Variants in ARRDC5 observed in about 807,000 individuals in gnomAD.
The protein encoded by ARRDC5 is arrestin domain-containing protein 5.
A neutral mutation model predicts 13.3 loss-of-function variants in ARRDC5; 12 were observed. That is an observed-to-expected ratio of 0.90 (90% CI 0.58 to 1.46). ARRDC5 has a LOEUF of 1.46. Among genes scored for constraint, ARRDC5 ranks in the 40% most tolerant of loss-of-function variants. The pLI is 0.00. For missense variants in ARRDC5, 406 were observed against 418.7 expected, an observed-to-expected ratio of 0.97 and a Z score of 0.26; for synonymous variants, 181 against 173.4, an observed-to-expected ratio of 1.04 and a Z score of -0.34.
the ARRDC5 span, chr19:4,909,509 T>G: frequency 1.5e-6 from 1 of 657,984 alleles, no homozygotes; most frequent in Non-Finnish European, 2.7e-6. Context: ...TCAGAGCAGC[T>G]GGCAGCGCGG....
At chr19:4,891,966 A>AAG (rs1356521113) in intron 2 of ARRDC5, among the ~76,000 whole-genome samples, 1 of 151,376 alleles carries the variant, frequency 6.6e-6, no homozygotes, top group African/African-American at 2.4e-5. Flanking sequence ...AAAAAAAAAA[A>AAG]AAGTCTCTGG....
intron 1 of ARRDC5, among the ~76,000 whole-genome samples, chr19:4,901,949 C>T (rs770677389): frequency 5.3e-5 from 8 of 152,086 alleles, no homozygotes; most frequent in Non-Finnish European, 1.0e-4. Flanking sequence ...TGCTGTGGTG[C>T]GATCTCAGCT....
At chr19:4,893,936 T>C (rs1365835691) in intron 2 of ARRDC5, among the ~76,000 whole-genome samples, 1 of 146,154 alleles carries the variant, frequency 6.8e-6, no homozygotes, top group African/African-American at 2.5e-5. Flanking sequence ...TAGTCCCAGC[T>C]ACTTGGGAGG....
chr19:4,906,841 T>A (rs144813781), upstream of ARRDC5, among the ~76,000 whole-genome samples: 1 of 152,330 alleles, frequency 6.6e-6, no homozygotes, highest in African/African-American at 2.4e-5. Flanking sequence ...ACAGATGATG[T>A]GTTCTGATAG....
rs7259277 is a variant in ARRDC5 at position 4,899,075 on chromosome 19, C to T, written c.254-2199G>A. Among the ~76,000 whole-genome samples, 389 of 147,544 alleles carry T rather than the reference C, an allele frequency of 2.6e-3. 2 individuals are homozygous for T. The highest frequency in any genetic ancestry group is 9.2e-3 in the African/African-American group (367 of 39,850). ...TTGTCATCCCAGCACTTTGGGAGGCCGAGGCGGGCAGATCACGAGGTCAGG... is the reference window on the plus strand; with the variant it reads ...TTGTCATCCCAGCACTTTGGGAGGCTGAGGCGGGCAGATCACGAGGTCAGG... On this transcript the variant is annotated intron_variant, in intron 1 of 2. Coordinates refer to ENST00000650722, the MANE Select transcript of ARRDC5 (RefSeq NM_001080523.3).
At chr19:4,898,147 T>A (rs1206728519) in intron 1 of ARRDC5, among the ~76,000 whole-genome samples, 2 of 152,106 alleles carry the variant, frequency 1.3e-5, no homozygotes, top group African/African-American at 4.8e-5. Context: ...TTCGCCCTCA[T>A]AGAGCTTGAC....
At chr19:4,904,279 T>C (rs182363987), upstream of ARRDC5, among the ~76,000 whole-genome samples, 26 of 152,074 alleles carry the variant, frequency 1.7e-4, no homozygotes, top group African/African-American at 3.9e-4. Flanking sequence ...CCCGTGTTCA[T>C]GCCATTCTCC....
rs748983966 is a variant in ARRDC5, at chr19:4,902,805, G to A, written c.21C>T (p.Ile7=). MSVVKS[I]ELVLPEDRIY... ...TTCTATCCTCGGGCAGCACTAATTC[G>A]ATCGACTTCACCACAGACATGGGGG... Residue 7 remains isoleucine (I), a synonymous_variant, in exon 1 of 3, where the codon ATC becomes ATT. Coordinates refer to ENST00000650722, the MANE Select transcript of ARRDC5 (RefSeq NM_001080523.3). 5.6e-6 allele frequency: 9 copies of A among 1,613,720 alleles called. No homozygotes were observed. The highest frequency in any genetic ancestry group is 5.3e-5 in the African/African-American group (4 of 74,886).
chr19:4,914,372 T>C, the ARRDC5 span, among the ~76,000 whole-genome samples: 2 of 152,174 alleles, frequency 1.3e-5, no homozygotes, highest in Admixed American at 6.6e-5. Context: ...GTTGTCCTTA[T>C]AGAATGTTCT....
At chr19:4,912,947 A>T in the ARRDC5 span, among the ~76,000 whole-genome samples, 1 of 151,936 alleles carries the variant, frequency 6.6e-6, no homozygotes, top group African/African-American at 2.4e-5. Flanking sequence ...TTTTGTAGAG[A>T]TGGGGTCTTA....
intron 2 of ARRDC5, among the ~76,000 whole-genome samples, chr19:4,896,361 T>TTTTACAC (rs761253103): frequency 3.5e-5 from 3 of 84,988 alleles, no homozygotes; most frequent in African/African-American, 1.7e-4. Flanking sequence ...TTTTTTTTTT[T>TTTTACAC]ACACACACAC....
chr19:4,903,195 T>A (rs375707326), upstream of ARRDC5: 6 of 241,932 alleles, frequency 2.5e-5, no homozygotes, highest in South Asian at 1.6e-4. Context: ...CCCAGCTAAT[T>A]TTTTGGTAGA....
At chr19:4,894,740 G>GGAAGAGGAAGAGGAAGAAGAAGAA (rs1460090340) in intron 2 of ARRDC5, among the ~76,000 whole-genome samples, 1 of 147,034 alleles carries the variant, frequency 6.8e-6, no homozygotes, top group African/African-American at 2.5e-5. Context: ...AAGAGGAAGA[G>GGAAGAGGAAGAGGAAGAAGAAGAA]GAAGAGGAAG....
upstream of ARRDC5, chr19:4,902,971 G>A (rs1004239925): frequency 2.6e-6 from 3 of 1,150,248 alleles, no homozygotes; most frequent in Non-Finnish European, 3.7e-6. Flanking sequence ...CAGGAGGGGA[G>A]GCAAAACTGT....
chr19:4,900,029 C>CT, intron 1 of ARRDC5, among the ~76,000 whole-genome samples: 1 of 150,968 alleles, frequency 6.6e-6, no homozygotes, highest in African/African-American at 2.4e-5. Flanking sequence ...GGCTGGAGTG[C>CT]AGTGGTGCAA....
At chr19:4,905,632 C>T (rs1013189294), upstream of ARRDC5, among the ~76,000 whole-genome samples, 7 of 152,008 alleles carry the variant, frequency 4.6e-5, no homozygotes, top group African/African-American at 9.7e-5. Context: ...ATTCTTCTGC[C>T]TCTGCCTCCC....
At chr19:4,908,091 T>C in the ARRDC5 span, among the ~76,000 whole-genome samples, 2 of 152,164 alleles carry the variant, frequency 1.3e-5, no homozygotes, top group Non-Finnish European at 2.9e-5. Context: ...TTTTCACTTA[T>C]TAGGACCTTT....
At chr19:4,905,058 C>G (rs2032036649), upstream of ARRDC5, among the ~76,000 whole-genome samples, 1 of 151,870 alleles carries the variant, frequency 6.6e-6, no homozygotes, top group African/African-American at 2.4e-5. Flanking sequence ...GACCCACGGG[C>G]CACATTTGGC....
chr19:4,915,888 C>T, the ARRDC5 span, among the ~76,000 whole-genome samples: 16 of 152,216 alleles, frequency 1.1e-4, no homozygotes, highest in Admixed American at 3.3e-4. Flanking sequence ...TCCTTACGTG[C>T]GCTGTGTTGG....
Sources: gnomAD v4.1 joint callset for allele counts (sites outside exome capture counted in the v4.1 genomes callset) on GRCh38, gnomAD v4.1.1 for gene constraint, MANE v1.5 for transcripts, NCBI Gene and HGNC (gene_info 2026-07-23, HGNC 2026-07-21) for gene names.